Variants in BMPR1A observed in about 807,000 individuals in gnomAD.
The protein encoded by BMPR1A is bone morphogenetic protein receptor type-1A.
BMPR1A carries 7 observed loss-of-function variants against 66.0 expected under a neutral mutation model. The ratio of observed to expected loss-of-function variants is 0.11; its 90% CI spans 0.06 to 0.20. The LOEUF (loss-of-function observed/expected upper bound fraction) is 0.20. Ranked by LOEUF, BMPR1A falls within the 10% of genes least tolerant of loss-of-function variation. The probability of loss-of-function intolerance (pLI) is 1.00; values close to 1 mark genes in which losing one functional copy is unlikely to be tolerated. For missense variants in BMPR1A, 408 were observed against 669.1 expected (o/e 0.61, Z 4.31); for synonymous variants, 200 against 229.7 (o/e 0.87, Z 1.17).
chr10:86,840,252 A>G (rs1842407364), intron 2 of BMPR1A, among the ~76,000 whole-genome samples: 1 of 152,172 alleles, frequency 6.6e-6, no homozygotes, highest in Admixed American at 6.5e-5. Context: ...GCTACTGTTA[A>G]TACTTGCAGC....
intron 5 of BMPR1A, among the ~76,000 whole-genome samples, chr10:86,898,580 G>A (rs1843262796): frequency 6.6e-6 from 1 of 152,208 alleles, no homozygotes. Flanking sequence ...CAAGACAGGA[G>A]TTGAAGAATT....
At chr10:86,760,189 T>TG (rs1554875561) in intron 1 of BMPR1A, among the ~76,000 whole-genome samples, 2,194 of 38,594 alleles carry the variant, frequency 0.057, 122 homozygotes, top group East Asian at 0.17. Flanking sequence ...GATTTACCTG[T>TG]TTTTTTTTTT....
At chr10:86,835,129 G>C (rs536366151) in intron 1 of BMPR1A, among the ~76,000 whole-genome samples, 2 of 151,962 alleles carry the variant, frequency 1.3e-5, no homozygotes, top group East Asian at 3.9e-4. Context: ...TGGCTACTTG[G>C]GAGGCTAAAG....
chr10:86,848,018 GC>G (rs1564702347), intron 2 of BMPR1A, among the ~76,000 whole-genome samples: 2 of 150,746 alleles, frequency 1.3e-5, no homozygotes, highest in Non-Finnish European at 3.0e-5. Flanking sequence ...TGCACCCTTC[GC>G]CCCCCGGGTT....
At chr10:86,832,345 A>G (rs1312254119) in intron 1 of BMPR1A, among the ~76,000 whole-genome samples, 1 of 152,122 alleles carries the variant, frequency 6.6e-6, no homozygotes, top group Non-Finnish European at 1.5e-5. Flanking sequence ...ACATGCCTGT[A>G]GTCCCAGCTA....
At position 86,785,377 on chromosome 10, in the gene BMPR1A, C is replaced by G. The variant is rs185428861; in HGVS notation, c.-268+28458C>G. Among the ~76,000 whole-genome samples, 265 of 151,696 alleles carry G rather than the reference C, an allele frequency of 1.7e-3. 1 individual carries two copies. Among genetic ancestry groups the G allele is most frequent in the African/African-American group, 5.9e-3 (243 of 41,288 alleles). ...CTGCAGTGCAGTGGTGGGAACTCAG[C>G]CCACCGCAATCTGCGCCTCCTGGGT... is the stretch of plus-strand genomic sequence containing the variant. On this transcript the variant is annotated intron_variant, in intron 1 of 12. Transcript: ENST00000372037.
intron 1 of BMPR1A, among the ~76,000 whole-genome samples, chr10:86,762,153 TG>T (rs1449325178): frequency 3.3e-5 from 5 of 152,366 alleles, no homozygotes; most frequent in African/African-American, 9.6e-5. Flanking sequence ...GAAATAGACA[TG>T]GCTGGACCTA....
intron 2 of BMPR1A, among the ~76,000 whole-genome samples, chr10:86,863,963 A>G (rs555539735): frequency 6.6e-6 from 1 of 152,348 alleles, no homozygotes; most frequent in African/African-American, 2.4e-5. Flanking sequence ...GTGGGAAGGG[A>G]AAAAAAGTAA....
chr10:86,880,209 T>C (rs559583531), intron 3 of BMPR1A, among the ~76,000 whole-genome samples: 3 of 152,322 alleles, frequency 2.0e-5, no homozygotes, highest in African/African-American at 4.8e-5. Context: ...CTGATCTCTT[T>C]GGTTTCACTC....
chr10:86,900,237 C>A, intron 7 of BMPR1A, 111 bp downstream of exon 7: 1 of 1,020,828 alleles, frequency 9.8e-7, no homozygotes, highest in Non-Finnish European at 1.5e-6. Context: ...GGTTGTATAT[C>A]TCCTTTATGT....
chr10:86,810,447 A>G (rs1349056697), intron 1 of BMPR1A, among the ~76,000 whole-genome samples: 1 of 152,216 alleles, frequency 6.6e-6, no homozygotes, highest in East Asian at 1.9e-4. Flanking sequence ...TATATAGGAA[A>G]AGAATTACAG....
intron 1 of BMPR1A, among the ~76,000 whole-genome samples, chr10:86,821,717 G>A (rs1009749079): frequency 6.6e-6 from 1 of 152,064 alleles, no homozygotes; most frequent in African/African-American, 2.4e-5. Flanking sequence ...TTGCCAAAAC[G>A]TTGACTTGAT....
At chr10:86,816,573 G>GAGAT (rs1201757340) in intron 1 of BMPR1A, among the ~76,000 whole-genome samples, 3 of 152,210 alleles carry the variant, frequency 2.0e-5, no homozygotes, top group Non-Finnish European at 4.4e-5. Context: ...ACTGGATCAG[G>GAGAT]AGATACACTT....
intron 1 of BMPR1A, among the ~76,000 whole-genome samples, chr10:86,782,712 G>A (rs906273495): frequency 6.6e-6 from 1 of 151,334 alleles, no homozygotes; most frequent in African/African-American, 2.4e-5. Context: ...TTTTTGTTTT[G>A]TTACTGAGTT....
chr10:86,827,118 CA>C (rs1016369760), intron 1 of BMPR1A, among the ~76,000 whole-genome samples: 3 of 152,106 alleles, frequency 2.0e-5, no homozygotes, highest in African/African-American at 7.2e-5. Flanking sequence ...TCCCTCAAGA[CA>C]ATTATTCCTC....
At chr10:86,837,263 G>GTC (rs2133102746) in intron 1 of BMPR1A, among the ~76,000 whole-genome samples, 1 of 131,276 alleles carries the variant, frequency 7.6e-6, no homozygotes, top group Admixed American at 7.1e-5. Flanking sequence ...GTGTGTGTGT[G>GTC]TGTGTGTGTG....
chr10:86,851,407 T>A (rs1842564996), intron 2 of BMPR1A, among the ~76,000 whole-genome samples: 1 of 152,252 alleles, frequency 6.6e-6, no homozygotes, highest in South Asian at 2.1e-4. Flanking sequence ...TGCTGCAAGA[T>A]AAGTAAAAAA....
chr10:86,904,864 G>A (rs1408866559), intron 7 of BMPR1A, among the ~76,000 whole-genome samples: 1 of 152,120 alleles, frequency 6.6e-6, no homozygotes, highest in East Asian at 1.9e-4. Context: ...ATAGAACTTT[G>A]TGACTGCCCT....
At position 86,809,640 on chromosome 10, in the gene BMPR1A, G is replaced by A. The variant is rs1191736776; in HGVS notation, c.-267-29225G>A. Among the ~76,000 whole-genome samples the A allele has an allele frequency of 6.3e-5, 8 of 127,440 alleles. No homozygotes were observed. The East Asian group carries it at 1.0e-3, about 16-fold the overall frequency. 83.6% of individuals were successfully genotyped at this position (127,440 alleles called of 152,430 possible). The stretch of plus-strand genomic sequence containing the variant: ...CTTTTTTCTTTTTTTAAGAGACAGG[G>A]TCTTATTCTGTCGTCTAGGCCTCAG... On this transcript the variant is annotated intron_variant, in intron 1 of 12. Coordinates refer to ENST00000372037, the MANE Select transcript of BMPR1A (RefSeq NM_004329.3).
Sources: allele counts gnomAD v4.1 joint callset (sites outside exome capture counted in the v4.1 genomes callset), GRCh38; gene constraint gnomAD v4.1.1; transcripts MANE v1.5; gene names NCBI Gene and HGNC (gene_info 2026-07-23, HGNC 2026-07-21).